HMBOX1: variants seen among roughly 807,000 people sequenced by gnomAD.
The protein encoded by HMBOX1 is homeobox-containing protein 1.
HMBOX1 carries 14 observed loss-of-function variants against 54.5 expected under a neutral mutation model. That is an observed-to-expected ratio of 0.26 (90% CI 0.17 to 0.40). The LOEUF is 0.40. Among genes scored for constraint, HMBOX1 ranks in the 10% least tolerant of loss-of-function variants. HMBOX1 has a pLI of 1.00. For synonymous variants in HMBOX1, 160 were observed against 181.0 expected (o/e 0.88, Z 0.93); for missense variants, 332 against 514.4 (o/e 0.65, Z 3.43).
At chr8:28,930,493 C>T (rs1244164268) in intron 1 of HMBOX1, among the ~76,000 whole-genome samples, 1 of 152,084 alleles carries the variant, frequency 6.6e-6, no homozygotes, top group Non-Finnish European at 1.5e-5. Flanking sequence ...CTACAATCTA[C>T]CCTTTCTTGT....
intron 1 of HMBOX1, among the ~76,000 whole-genome samples, chr8:28,940,652 G>T (rs1288115184): frequency 6.6e-6 from 1 of 152,212 alleles, no homozygotes; most frequent in East Asian, 1.9e-4. Flanking sequence ...TTTTGGACAA[G>T]CAATGGACCA....
At chr8:29,011,772 G>C (rs1409783739) in intron 5 of HMBOX1, among the ~76,000 whole-genome samples, 2 of 151,108 alleles carry the variant, frequency 1.3e-5, no homozygotes, top group African/African-American at 2.4e-5. Flanking sequence ...TCCTATTTTA[G>C]TTTATCTTGA....
intron 1 of HMBOX1, among the ~76,000 whole-genome samples, chr8:28,954,744 T>G (rs1343205735): frequency 6.6e-6 from 1 of 152,184 alleles, no homozygotes; most frequent in Non-Finnish European, 1.5e-5. Flanking sequence ...ATGATGTACT[T>G]ACACGTGTAC....
At chr8:28,948,716 C>A (rs1822913447) in intron 1 of HMBOX1, among the ~76,000 whole-genome samples, 2 of 152,150 alleles carry the variant, frequency 1.3e-5, no homozygotes, top group Admixed American at 1.3e-4. Context: ...GATTTTTTTT[C>A]ATCTATAAAT....
In HMBOX1 at chr8:28,932,596, C is replaced by A. The variant is rs921444354; in HGVS notation, c.-57-31215C>A. On this transcript the variant is annotated intron_variant, in intron 1 of 9. Transcript: ENST00000287701. ...CATATGTTTTCCCCTTATTATCAAA[C>A]CTTCAAGAACAAAACCTTTTCATCT... Among the ~76,000 whole-genome samples the A allele has an allele frequency of 3.9e-5, 6 of 152,162 alleles. No homozygotes were observed. The East Asian group carries it at 1.2e-3, about 29-fold the overall frequency.
At chr8:29,037,185 TTTA>T (rs1258081266) in intron 6 of HMBOX1, among the ~76,000 whole-genome samples, 3 of 152,312 alleles carry the variant, frequency 2.0e-5, no homozygotes, top group Non-Finnish European at 2.9e-5. Context: ...CATTATTTAT[TTTA>T]TTAAGTCTGT....
chr8:28,897,608 G>A (rs764844541), intron 1 of HMBOX1, among the ~76,000 whole-genome samples: 21 of 152,146 alleles, frequency 1.4e-4, no homozygotes, highest in African/African-American at 4.8e-4. Flanking sequence ...CCTGGGAGGC[G>A]GAGGTTGCAG....
At chr8:28,895,028 C>G (rs1811831803) in intron 1 of HMBOX1, among the ~76,000 whole-genome samples, 1 of 151,694 alleles carries the variant, frequency 6.6e-6, no homozygotes, top group South Asian at 2.1e-4. Flanking sequence ...ATGGGTGACA[C>G]TAGACTCCTT....
chr8:28,951,914 T>G (rs1823481694), intron 1 of HMBOX1, among the ~76,000 whole-genome samples: 1 of 152,070 alleles, frequency 6.6e-6, no homozygotes, highest in Admixed American at 6.5e-5. Flanking sequence ...CCACCTGTAA[T>G]CCCAGCACTT....
At chr8:29,039,656 G>C (rs192431007) in intron 6 of HMBOX1, among the ~76,000 whole-genome samples, 1 of 151,980 alleles carries the variant, frequency 6.6e-6, no homozygotes, top group Non-Finnish European at 1.5e-5. Context: ...ACCTCCTTTT[G>C]TGAGTAGATA....
chr8:29,041,062 T>C (rs746519996), intron 6 of HMBOX1, among the ~76,000 whole-genome samples: 6 of 152,054 alleles, frequency 3.9e-5, no homozygotes, highest in Non-Finnish European at 5.9e-5. Flanking sequence ...ATTAAACGAG[T>C]TCTTAAATAT....
At chr8:29,003,084 C>CTTT (rs11408114) in intron 4 of HMBOX1, among the ~76,000 whole-genome samples, 1 of 145,178 alleles carries the variant, frequency 6.9e-6, no homozygotes, top group Admixed American at 6.9e-5. Context: ...ACAGTCTTGT[C>CTTT]TTTTTTTTTT....
chr8:29,011,320 T>A (rs570087265), intron 5 of HMBOX1, among the ~76,000 whole-genome samples: 1 of 152,240 alleles, frequency 6.6e-6, no homozygotes, highest in African/African-American at 2.4e-5. Context: ...ACTATTCATA[T>A]GCCAAGTGTG....
rs536889892 is a variant in HMBOX1 at position 28,981,797 on chromosome 8, T to C, written c.586+1641T>C. On this transcript the variant is annotated intron_variant, in intron 4 of 9. Coordinates refer to ENST00000287701, the MANE Select transcript of HMBOX1 (RefSeq NM_001135726.3). ...ATATCTAAAGGCATGGAATAAACCA[T>C]AATGGGTTAAACATGATACATTAAA... Among the ~76,000 whole-genome samples the C allele has an allele frequency of 7.2e-5, 11 of 152,318 alleles. No homozygotes were observed. The South Asian group carries it at 2.3e-3, about 32-fold the overall frequency.
rs995337109 is a variant in HMBOX1, at chr8:28,927,047, A to G, written c.-58+36369A>G. 9.8e-5 allele frequency among the ~76,000 whole-genome samples: 15 copies of G among 152,334 alleles called. No homozygotes were observed. In the East Asian group the frequency reaches 2.7e-3, roughly 27 times the overall value. ...AATGGGTACTAAAAAAATAGTTAGA[A>G]AGAATGAATAAGACCTAGTATTTGC... On this transcript the variant is annotated intron_variant, in intron 1 of 9. Coordinates refer to ENST00000287701, the MANE Select transcript of HMBOX1 (RefSeq NM_001135726.3).
intron 1 of HMBOX1, among the ~76,000 whole-genome samples, chr8:28,892,864 G>T (rs546742991): frequency 4.6e-5 from 7 of 152,220 alleles, no homozygotes; most frequent in African/African-American, 1.7e-4. Context: ...ATCTTAACTT[G>T]AAACACTACT....
At chr8:29,010,231 G>A (rs2132855830) in intron 5 of HMBOX1, 1 of 689,020 alleles carries the variant, frequency 1.5e-6, no homozygotes, top group Non-Finnish European at 1.8e-6. Context: ...GACTAACACA[G>A]TAGACACCTG....
At position 28,985,763 on chromosome 8, in the gene HMBOX1, AT is replaced by A. The variant is rs537444380; in HGVS notation, c.586+5609del. On this transcript the variant is annotated intron_variant, in intron 4 of 9. Transcript: ENST00000287701. ...CTAATCAGAGAACTTAAGATCAGAC[AT>A]TAAAAATCAACTAAAGTTTCAGTAT... is the stretch of plus-strand genomic sequence containing the variant. Among the ~76,000 whole-genome samples, 112 of 152,350 alleles carry A rather than the reference AT, an allele frequency of 7.4e-4. 1 individual carries two copies. The South Asian group carries it at 0.023, about 31-fold the overall frequency.
chr8:28,907,040 A>G (rs1227125900), intron 1 of HMBOX1, among the ~76,000 whole-genome samples: 1 of 150,468 alleles, frequency 6.6e-6, no homozygotes, highest in African/African-American at 2.4e-5. Flanking sequence ...AAATTATTTG[A>G]AAAATAATTA....
Sources: allele counts gnomAD v4.1 joint callset (sites outside exome capture counted in the v4.1 genomes callset), GRCh38; gene constraint gnomAD v4.1.1; transcripts MANE v1.5; gene names NCBI Gene and HGNC (gene_info 2026-07-23, HGNC 2026-07-21).